Variants in ARHGAP8 observed in about 807,000 individuals in gnomAD.
ARHGAP8 encodes the protein rho GTPase-activating protein 8.
In ARHGAP8, 62 loss-of-function variants were observed where a neutral mutation model predicts 46.1. That is an observed-to-expected ratio of 1.34 (90% CI 1.10 to 1.66). The LOEUF (loss-of-function observed/expected upper bound fraction) is 1.66, where lower values mean the gene tolerates loss of function less well. ARHGAP8 is among the 40% of genes most tolerant of loss of function. The pLI, the probability that ARHGAP8 is intolerant of heterozygous loss-of-function variation, is 0.00. For synonymous variants in ARHGAP8, 375 were observed against 243.1 expected, an observed-to-expected ratio of 1.54 and a Z score of -5.05; for missense variants, 923 against 568.4, an observed-to-expected ratio of 1.62 and a Z score of -6.34.
intron 4 of ARHGAP8, chr22:44,808,774 GC>G (rs1341103625): frequency 2.2e-6 from 1 of 444,466 alleles, no homozygotes; most frequent in Admixed American, 3.1e-5. Flanking sequence ...GACCAGGCTG[GC>G]CAACATGGCG....
intron 10 of ARHGAP8, among the ~76,000 whole-genome samples, chr22:44,853,169 C>T (rs922427036): frequency 4.6e-5 from 7 of 152,130 alleles, no homozygotes; most frequent in Non-Finnish European, 7.3e-5. Context: ...CTTGAAGTAT[C>T]CTTTCATGGT....
intron 1 of ARHGAP8, among the ~76,000 whole-genome samples, chr22:44,784,398 G>A (rs1927063792): frequency 6.6e-6 from 1 of 152,040 alleles, no homozygotes; most frequent in African/African-American, 2.4e-5. Context: ...AGTGAGACTC[G>A]GTCTCAAACA....
At chr22:44,792,892 C>T (rs1229749553) in intron 2 of ARHGAP8, among the ~76,000 whole-genome samples, 6 of 151,564 alleles carry the variant, frequency 4.0e-5, no homozygotes, top group Middle Eastern at 3.4e-3. Flanking sequence ...GGCGCAATCT[C>T]GGCTCACTGC....
chr22:44,815,209 A>G (rs1042921636), intron 5 of ARHGAP8, among the ~76,000 whole-genome samples: 1 of 152,194 alleles, frequency 6.6e-6, no homozygotes, highest in African/African-American at 2.4e-5. Context: ...GGGCGGATTC[A>G]TACAGGCAGT....
chr22:44,790,972 A>G (rs1036615401), intron 2 of ARHGAP8, among the ~76,000 whole-genome samples: 3 of 152,042 alleles, frequency 2.0e-5, no homozygotes, highest in East Asian at 3.9e-4. Flanking sequence ...AGCTCAGGCA[A>G]TCCACCCTCA....
chr22:44,841,983 A>G (rs1931682880), intron 7 of ARHGAP8, among the ~76,000 whole-genome samples: 1 of 152,152 alleles, frequency 6.6e-6, no homozygotes, highest in South Asian at 2.1e-4. Flanking sequence ...AGCACTGCCA[A>G]AATCTGCTTC....
chr22:44,841,620 C>T (rs1479079945), intron 7 of ARHGAP8, among the ~76,000 whole-genome samples: 1 of 152,204 alleles, frequency 6.6e-6, no homozygotes, highest in East Asian at 1.9e-4. Flanking sequence ...CACTGGGCTG[C>T]AACATGTTTC....
chr22:44,856,134 A>G (rs1390942497), intron 10 of ARHGAP8, among the ~76,000 whole-genome samples: 1 of 151,554 alleles, frequency 6.6e-6, no homozygotes, highest in African/African-American at 2.4e-5. Flanking sequence ...TGATTTAATC[A>G]CCCGTCACCC....
intron 1 of ARHGAP8, among the ~76,000 whole-genome samples, chr22:44,754,727 C>G (rs1602131465): frequency 6.6e-6 from 1 of 152,120 alleles, no homozygotes; most frequent in Non-Finnish European, 1.5e-5. Context: ...CCTAACAAGC[C>G]AGTTCTAGGC....
chr22:44,825,723 A>G (rs2147122970), intron 7 of ARHGAP8, 130 bp downstream of exon 7: 19 of 1,167,342 alleles, frequency 1.6e-5, no homozygotes, highest in East Asian at 2.6e-5. Flanking sequence ...CAGGAAAGAT[A>G]AAGCCTGAGC....
At chr22:44,841,942 G>T (rs916949300) in intron 7 of ARHGAP8, among the ~76,000 whole-genome samples, 2 of 152,182 alleles carry the variant, frequency 1.3e-5, no homozygotes, top group Admixed American at 6.5e-5. Context: ...GTCTACTCCC[G>T]TGTGGCTCCT....
At chr22:44,820,573 C>A (rs1930055235) in intron 5 of ARHGAP8, among the ~76,000 whole-genome samples, 1 of 152,134 alleles carries the variant, frequency 6.6e-6, no homozygotes, top group African/African-American at 2.4e-5. Context: ...GTCCCACCAG[C>A]CCCTTCCCTC....
chr22:44,862,248 CCTTTA>C (rs574893294), intron 11 of ARHGAP8, 22 bp from the exon 12 acceptor site: 5 of 1,568,308 alleles, frequency 3.2e-6, no homozygotes, highest in South Asian at 1.2e-5. Context: ...TGTTCACTCC[CCTTTA>C]CTTGTGTGTG....
At chr22:44,818,740 C>T (rs1395107838) in intron 5 of ARHGAP8, among the ~76,000 whole-genome samples, 2 of 151,828 alleles carry the variant, frequency 1.3e-5, no homozygotes, top group Admixed American at 6.6e-5. Flanking sequence ...TCCATCAGCC[C>T]GGCTGGAGTG....
At chr22:44,786,343 G>C (rs113393878) in intron 1 of ARHGAP8, 114 bp from the exon 2 acceptor site, 9 of 1,376,126 alleles carry the variant, frequency 6.5e-6, no homozygotes, top group Non-Finnish European at 7.8e-6. Flanking sequence ...GGTAGGGCGC[G>C]TAGTGGGTGT....
chr22:44,822,803 C>A (rs989611395), intron 6 of ARHGAP8, among the ~76,000 whole-genome samples: 1 of 152,160 alleles, frequency 6.6e-6, no homozygotes, highest in African/African-American at 2.4e-5. Context: ...GGAGAATTTC[C>A]CAGGCGTGTG....
intron 7 of ARHGAP8, among the ~76,000 whole-genome samples, chr22:44,827,336 G>GTTTTTTTTTTTTTTTTTTTTTTTTTTTTT (rs796490147): frequency 3.0e-5 from 2 of 67,258 alleles, no homozygotes; most frequent in Non-Finnish European, 2.6e-5. Flanking sequence ...TTGGGTGGTG[G>GTTTTTTTTTTTTTTTTTTTTTTTTTTTTT]TTTTTTTTTT....
chr22:44,826,537 G>A (rs1930535526), intron 7 of ARHGAP8, among the ~76,000 whole-genome samples: 1 of 152,126 alleles, frequency 6.6e-6, no homozygotes, highest in Non-Finnish European at 1.5e-5. Context: ...CTATTCTCCT[G>A]CCTTAGCCTC....
chr22:44,852,329 T>TC (rs2070117271), intron 10 of ARHGAP8, among the ~76,000 whole-genome samples: 1 of 152,120 alleles, frequency 6.6e-6, no homozygotes, highest in Non-Finnish European at 1.5e-5. Flanking sequence ...CTTTTGTCAT[T>TC]CCGCCGTCTT....
Sources: allele counts gnomAD v4.1 joint callset (sites outside exome capture counted in the v4.1 genomes callset), GRCh38; gene constraint gnomAD v4.1.1; transcripts MANE v1.5; gene names NCBI Gene and HGNC (gene_info 2026-07-23, HGNC 2026-07-21).